Variants in GMEB2 observed in about 807,000 individuals in gnomAD.
GMEB2 encodes glucocorticoid modulatory element-binding protein 2.
In GMEB2, 7 loss-of-function variants were observed where a neutral mutation model predicts 45.7. That is an observed-to-expected ratio of 0.15 (90% CI 0.09 to 0.29). The LOEUF (loss-of-function observed/expected upper bound fraction) is 0.29. Among genes scored for constraint, GMEB2 ranks in the 10% least tolerant of loss-of-function variants. The pLI, the probability that GMEB2 is intolerant of heterozygous loss-of-function variation, is 1.00. For missense variants in GMEB2, 582 were observed against 739.2 expected (o/e 0.79, Z 2.47); for synonymous variants, 322 against 323.6 (o/e 1.00, Z 0.05).
At chr20:63,618,939 T>C (rs1357338226) in intron 2 of GMEB2, among the ~76,000 whole-genome samples, 1 of 152,208 alleles carries the variant, frequency 6.6e-6, no homozygotes, top group Non-Finnish European at 1.5e-5. Context: ...AGAAAATCAC[T>C]GACTCTTCAC....
intron 1 of GMEB2, among the ~76,000 whole-genome samples, chr20:63,624,506 T>C (rs1348005445): frequency 6.6e-6 from 1 of 151,950 alleles, no homozygotes. Context: ...CTTCTCGGGG[T>C]TTAACTCTCA....
In GMEB2 at chr20:63,589,947, G is replaced by C; in HGVS notation, c.*142C>G. 1 of 598,494 alleles carries C rather than the reference G, an allele frequency of 1.7e-6. No individual in the cohort carries two copies. The highest frequency in any genetic ancestry group is 2.7e-6 in the Non-Finnish European group (1 of 370,900). The allele number at this position is 598,494 out of a possible 1,614,324, so 37.1% of individuals were successfully genotyped here. ...GTCCCCTTCTCTCTTCTCGTGATTT[G>C]TTTTGGCGATTCCTCTCTTTGGTTC... On this transcript the variant is annotated 3_prime_UTR_variant, in exon 10 of 10. Transcript: ENST00000370077.
intron 9 of GMEB2, 76 bp downstream of exon 9, chr20:63,591,946 G>A: frequency 2.2e-6 from 3 of 1,335,620 alleles, no homozygotes; most frequent in Non-Finnish European, 3.1e-6. Context: ...TGGATGCACA[G>A]CCGTGGGGTG....
intron 5 of GMEB2, 103 bp downstream of exon 5, chr20:63,597,653 AC>A (rs2083209935): frequency 1.4e-6 from 1 of 710,056 alleles, no homozygotes; most frequent in Non-Finnish European, 2.5e-6. Context: ...AGCACTCACC[AC>A]ATCTAAAATA....
At position 63,592,668 on chromosome 20, in the gene GMEB2, C is replaced by T. The variant is rs1322817569; in HGVS notation, c.694G>A (p.Asp232Asn). Reference protein sequence around the residue: ...PGDWTAAIGDDTFTFWRGLKD... With the variant: ...PGDWTAAIGDNTFTFWRGLKD... ...AGCCCCCGCCAGAAGGTAAATGTGT[C>T]ATCTGTGAGGGAAGGAGTGGGTTCA... The change falls in exon 8 of 10, where the codon GAC becomes AAC. Residue 232 changes from aspartate to asparagine, a missense_variant and splice_region_variant. Asp to Asn is a conservative substitution (Grantham distance 23). This residue lies in a region of GMEB2 where 462 missense variants were observed against 586.7 expected (regional missense o/e 0.79). Coordinates refer to ENST00000370077, the MANE Select transcript of GMEB2 (RefSeq NM_012384.5). The surrounding 1 kb of genome is among the most constrained non-coding windows in gnomAD (Gnocchi z 8.2). 3 of 1,613,180 alleles carry T rather than the reference C, an allele frequency of 1.9e-6. No homozygotes were observed. In the African/African-American group the frequency reaches 4.0e-5, roughly 21 times the overall value.
rs1472094943 is a variant in GMEB2 at position 63,593,137 on chromosome 20, C to G, written c.620-55G>C. The G allele has an allele frequency of 8.7e-6, 9 of 1,039,780 alleles. No homozygotes were observed. The highest frequency in any genetic ancestry group is 1.3e-5 in the Non-Finnish European group (9 of 669,500). The allele number at this position is 1,039,780 out of a possible 1,614,324, so 64.4% of individuals were successfully genotyped here. On this transcript the variant is annotated intron_variant, in intron 6 of 9. Transcript: ENST00000370077. This position sits in a 1 kb window ranked among gnomAD's most constrained non-coding sequence, Gnocchi z 4.7. ...GCTGTTTGGACCACAGTCCCACACC[C>G]CACATACCCTGTCCACCCTCCTCAC...
chr20:63,616,492 T>C (rs907799334), intron 2 of GMEB2, among the ~76,000 whole-genome samples: 3 of 151,958 alleles, frequency 2.0e-5, no homozygotes, highest in Non-Finnish European at 4.4e-5. Flanking sequence ...CTCATGGAAG[T>C]CATCACAACA....
intron 2 of GMEB2, among the ~76,000 whole-genome samples, chr20:63,606,816 G>C (rs1158717761): frequency 6.6e-6 from 1 of 152,184 alleles, no homozygotes; most frequent in African/African-American, 2.4e-5. Flanking sequence ...AGGGGCTCTG[G>C]AGAAACCCTG....
intron 2 of GMEB2, among the ~76,000 whole-genome samples, chr20:63,612,566 C>G (rs187757847): frequency 6.6e-6 from 1 of 152,344 alleles, no homozygotes; most frequent in Admixed American, 6.5e-5. Flanking sequence ...TAACTTCCTA[C>G]CAAGAGGCAG....
At chr20:63,605,692 C>T (rs866084320) in intron 2 of GMEB2, among the ~76,000 whole-genome samples, 2 of 151,386 alleles carry the variant, frequency 1.3e-5, no homozygotes, top group Admixed American at 6.6e-5. Context: ...CAGTGGCTCA[C>T]GCCTGTAATC....
At chr20:63,603,817 C>T (rs2089496537) in intron 3 of GMEB2, among the ~76,000 whole-genome samples, 1 of 151,930 alleles carries the variant, frequency 6.6e-6, no homozygotes, top group African/African-American at 2.4e-5. Context: ...CTTTGGGAGG[C>T]CCAGGTGGGT....
Position 63,590,508 on chromosome 20 carries a change from G to T in GMEB2, c.1174C>A (p.Gln392Lys). The T allele has an allele frequency of 6.6e-7, 1 of 1,509,256 alleles. No homozygotes were observed. Among genetic ancestry groups the T allele is most frequent in the Non-Finnish European group, 8.9e-7 (1 of 1,124,106 alleles). The allele number at this position is 1,509,256 out of a possible 1,614,324, so 93.5% of individuals were successfully genotyped here. A position where few individuals can be genotyped will look rare whatever the true frequency, so the allele number is the denominator to read the frequency against. ...TTACCAAGGGGCACGCTGGTCAGCT[G>T]GGGGACGGGCACGCCCGGGCCAAGC... ...LALGPGVPVP[Q>K]LTSVPLGKVV... Residue 392 changes from glutamine to lysine, a missense_variant, in exon 10 of 10, where the codon CAG becomes AAG. Physicochemically the swap from Gln to Lys is moderately conservative, Grantham distance 53. Around this residue, in one of 3 missense-constraint regions of GMEB2, gnomAD observed 462 missense variants for 586.7 expected, o/e 0.79. Coordinates refer to ENST00000370077, the MANE Select transcript of GMEB2 (RefSeq NM_012384.5).
Position 63,589,471 on chromosome 20 carries a change from C to T in GMEB2, c.*618G>A, listed in dbSNP as rs867184462. 1 of 315,518 alleles carries T rather than the reference C, an allele frequency of 3.2e-6. No homozygotes were observed. The allele number at this position is 315,518 out of a possible 1,614,324, so 19.5% of individuals were successfully genotyped here. ...GGGCCACCTGAGCACCGGCTGGGGG[C>T]GGGGGAGGCAGGCACCCATCAGGAT... On this transcript the variant is annotated 3_prime_UTR_variant, in exon 10 of 10. Coordinates refer to ENST00000370077, the MANE Select transcript of GMEB2 (RefSeq NM_012384.5).
intron 5 of GMEB2, 73 bp downstream of exon 5, chr20:63,597,684 C>T: frequency 1.1e-6 from 1 of 890,342 alleles, no homozygotes; most frequent in Middle Eastern, 2.3e-4. Flanking sequence ...TTCAAAATCC[C>T]AAAACCCCAC....
At chr20:63,609,383 T>A (rs201087325) in intron 2 of GMEB2, among the ~76,000 whole-genome samples, 9 of 61,656 alleles carry the variant, frequency 1.5e-4, no homozygotes, top group Middle Eastern at 0.013. Flanking sequence ...CCCTCTGACC[T>A]CACCTCCATT....
rs117470492 is a variant in GMEB2, at chr20:63,623,390, T to G, written c.-58+3566A>C. 9.2e-5 allele frequency among the ~76,000 whole-genome samples: 14 copies of G among 152,342 alleles called. No homozygotes were observed. The East Asian group carries it at 1.3e-3, about 15-fold the overall frequency. ...AGCCAGGAAAGTTACAATGATGAATTCGTTTACACTGGCGGAATTACTTCG... is the reference window on the plus strand; with the variant it reads ...AGCCAGGAAAGTTACAATGATGAATGCGTTTACACTGGCGGAATTACTTCG... On this transcript the variant is annotated intron_variant, in intron 1 of 9. Coordinates refer to ENST00000370077, the MANE Select transcript of GMEB2 (RefSeq NM_012384.5).
Position 63,588,215 on chromosome 20 carries a change from G to C in GMEB2, c.*1874C>G, listed in dbSNP as rs188022115. 1 of 152,720 alleles carries C rather than the reference G, an allele frequency of 6.5e-6. No individual in the cohort carries two copies. The highest frequency in any genetic ancestry group is 1.9e-4 in the East Asian group (1 of 5,334). The allele number at this position is 152,720 out of a possible 1,614,324, so 9.5% of individuals were successfully genotyped here. On this transcript the variant is annotated 3_prime_UTR_variant, in exon 10 of 10. Coordinates refer to ENST00000370077, the MANE Select transcript of GMEB2 (RefSeq NM_012384.5). ...CAGGGGCAGAAAAGGTCCCAACCCT[G>C]TTCTTAAAAAGAAAGGAAATGAACC...
rs571671081 is a variant in GMEB2, at chr20:63,590,764, C to T, written c.953-35G>A. The T allele has an allele frequency of 2.1e-5, 29 of 1,360,862 alleles. No individual in the cohort carries two copies. The South Asian group carries it at 2.3e-4, about 11-fold the overall frequency. 84.3% of individuals were successfully genotyped at this position (1,360,862 alleles called of 1,614,324 possible). On this transcript the variant is annotated intron_variant, in intron 9 of 9. Coordinates refer to ENST00000370077, the MANE Select transcript of GMEB2 (RefSeq NM_012384.5). ...GGTACAGATGGCATCACACAGGGGA[C>T]GGGGGCATGGATGGCGGCATGCAGG...
intron 4 of GMEB2, among the ~76,000 whole-genome samples, chr20:63,601,537 CTTT>C (rs34916384): frequency 6.9e-6 from 1 of 145,046 alleles, no homozygotes. Flanking sequence ...GCTCTCTTTT[CTTT>C]TTTTTTTTTT....
Sources: allele counts gnomAD v4.1 joint callset (sites outside exome capture counted in the v4.1 genomes callset), GRCh38; gene constraint gnomAD v4.1.1; regional missense constraint gnomAD v4.1.1; non-coding constraint Gnocchi (gnomAD v3.1); transcripts MANE v1.5; gene names NCBI Gene and HGNC (gene_info 2026-07-23, HGNC 2026-07-21).